ZKSCAN8: variants seen among roughly 807,000 people sequenced by gnomAD.
The protein encoded by ZKSCAN8 is zinc finger protein with KRAB and SCAN domains 8.
Under a neutral mutation model 57.2 loss-of-function variants are expected in ZKSCAN8, and 27 were observed. The observed-to-expected ratio is 0.47, with a 90% CI of 0.35 to 0.65. ZKSCAN8 has a LOEUF of 0.65. Among genes scored for constraint, ZKSCAN8 ranks in the 30% least tolerant of loss-of-function variants. The pLI is 0.01. For missense variants in ZKSCAN8, 597 were observed against 696.3 expected, an observed-to-expected ratio of 0.86 and a Z score of 1.60; for synonymous variants, 214 against 248.7, an observed-to-expected ratio of 0.86 and a Z score of 1.31.
chr6:28,142,974 A>AG (rs1378295236), intron 1 of ZKSCAN8, among the ~76,000 whole-genome samples: 2 of 152,214 alleles, frequency 1.3e-5, no homozygotes, highest in African/African-American at 4.8e-5. Context: ...CATAGTCTGA[A>AG]GGAAGAATAC....
chr6:28,142,416 A>G (rs530732976), intron 1 of ZKSCAN8, among the ~76,000 whole-genome samples: 33 of 152,216 alleles, frequency 2.2e-4, no homozygotes, highest in African/African-American at 7.5e-4. Context: ...TAAAAAAGAC[A>G]TATTTTGCTT....
chr6:28,146,079 A>G (rs1198940243), intron 1 of ZKSCAN8, among the ~76,000 whole-genome samples: 2 of 152,240 alleles, frequency 1.3e-5, no homozygotes, highest in Non-Finnish European at 2.9e-5. Context: ...CCATAGACAT[A>G]TATTTCACAA....
chr6:28,153,581 A>G lies in ZKSCAN8; in HGVS notation c.1301A>G (p.Tyr434Cys). ...AGAATCCACAGTGGAGAGAGACCCT[A>G]TGAATGTAATGAGTGTGGGAAAGCT... ...HQRIHSGERP[Y>C]ECNECGKAFS... The change falls in exon 6 of 6, where the codon TAT becomes TGT. Residue 434 changes from tyrosine (Y) to cysteine (C), a missense_variant. Coordinates refer to ENST00000330236, the MANE Select transcript of ZKSCAN8 (RefSeq NM_006298.4). 3 of 1,614,094 alleles carry G rather than the reference A, an allele frequency of 1.9e-6. No homozygotes were observed. The highest frequency in any genetic ancestry group is 2.2e-5 in the East Asian group (1 of 44,870).
In ZKSCAN8 at chr6:28,151,853, A is replaced by C; in HGVS notation, c.568A>C (p.Thr190Pro). 6.2e-7 allele frequency: 1 copy of C among 1,614,074 alleles called. No individual in the cohort carries two copies. The highest frequency in any genetic ancestry group is 8.5e-7 in the Non-Finnish European group (1 of 1,179,946). Residue 190 changes from threonine (T) to proline (P), a missense_variant, in exon 4 of 6, where the codon ACT (threonine) becomes CCT (proline). Transcript: ENST00000330236. The part of the protein sequence containing the change: ...PQESQERAMS[T>P]SQSPTRSQKG... ...CTCCTTTCTCCTCTCAGCCATGTCT[A>C]CTTCCCAGAGTCCTACTCGTTCCCA...
At chr6:28,149,682 G>A (rs1167199932) in intron 3 of ZKSCAN8, 58 bp downstream of exon 3, 27 of 1,594,468 alleles carry the variant, frequency 1.7e-5, no homozygotes, top group Non-Finnish European at 2.2e-5. Flanking sequence ...AAGTCCATTT[G>A]GGATACCTAT....
In ZKSCAN8 at chr6:28,159,213, C is replaced by T. The variant is rs954961416; in HGVS notation, c.*5196C>T. 1 of 152,238 alleles carries T rather than the reference C, an allele frequency of 6.6e-6. No homozygotes were observed. The highest frequency in any genetic ancestry group is 2.4e-5 in the African/African-American group (1 of 41,454). The allele number at this position is 152,238 out of a possible 1,614,324, so 9.4% of individuals were successfully genotyped here. A position where few individuals can be genotyped will look rare whatever the true frequency, so the allele number is the denominator to read the frequency against. On this transcript the variant is annotated 3_prime_UTR_variant, in exon 6 of 6. Transcript: ENST00000330236. ...CATCACCTCATGCGATGACCTCCCTCATTCTGTGCTGCCTCAGCACTTATC... is the reference window on the plus strand; with the variant it reads ...CATCACCTCATGCGATGACCTCCCTTATTCTGTGCTGCCTCAGCACTTATC...
chr6:28,142,529 GTT>G (rs34778634), intron 1 of ZKSCAN8, among the ~76,000 whole-genome samples: 23 of 145,356 alleles, frequency 1.6e-4, no homozygotes, highest in South Asian at 2.2e-4. Context: ...TTGTACGAAA[GTT>G]TTTTTTTTTT....
Position 28,153,973 on chromosome 6 carries a change from CAG to C in ZKSCAN8, c.1697_1698del (p.Arg566AsnfsTer5). 1 of 1,610,448 alleles carries C rather than the reference CAG, an allele frequency of 6.2e-7. No individual in the cohort carries two copies. Among genetic ancestry groups the C allele is most frequent in the Non-Finnish European group, 8.5e-7 (1 of 1,178,652 alleles). On this transcript the variant is annotated frameshift_variant, in exon 6 of 6. Transcript: ENST00000330236. LOFTEE classifies it high-confidence loss of function. The part of the protein sequence containing the change: ...FIQRSSLIRH[Q>X]RIHSGEKSES... ...TCAGAGGTCAAGTCTCATTCGACATCAGAGAATCCACAGTGGTGAAAAATCTG... is the reference window on the plus strand; with the variant it reads ...TCAGAGGTCAAGTCTCATTCGACATCAGAATCCACAGTGGTGAAAAATCTG...
chr6:28,158,700 A>T lies in ZKSCAN8; in HGVS notation c.*4683A>T, dbSNP rs1765866711. On this transcript the variant is annotated 3_prime_UTR_variant, in exon 6 of 6. Coordinates refer to ENST00000330236, the MANE Select transcript of ZKSCAN8 (RefSeq NM_006298.4). ...TAGATCTGAGGCCCAGGTTACTGTA[A>T]TTCTTTTTTTTCCAATTTCCTTGCT... is the stretch of plus-strand genomic sequence containing the variant. 1 of 151,668 alleles carries T rather than the reference A, an allele frequency of 6.6e-6. No individual in the cohort carries two copies. Among genetic ancestry groups the T allele is most frequent in the Non-Finnish European group, 1.5e-5 (1 of 67,900 alleles). The allele number at this position is 151,668 out of a possible 1,614,324, so 9.4% of individuals were successfully genotyped here.
intron 5 of ZKSCAN8, 117 bp downstream of exon 5, chr6:28,152,501 A>G: frequency 7.5e-7 from 1 of 1,325,730 alleles, no homozygotes; most frequent in Non-Finnish European, 1.0e-6. Flanking sequence ...AGGATCCAGC[A>G]GAGGGATATG....
chr6:28,152,182 C>T, intron 4 of ZKSCAN8, 79 bp from the exon 5 acceptor site: 3 of 1,534,648 alleles, frequency 2.0e-6, no homozygotes, highest in Non-Finnish European at 1.7e-6. Flanking sequence ...TCTCCCAATA[C>T]TGGTGGATCT....
intron 4 of ZKSCAN8, 47 bp downstream of exon 4, chr6:28,151,983 G>A (rs1358322222): frequency 1.3e-6 from 2 of 1,595,226 alleles, no homozygotes; most frequent in African/African-American, 1.3e-5. Flanking sequence ...GTGCTTGTCA[G>A]TGTTTGTGGC....
In ZKSCAN8 at chr6:28,155,898, A is replaced by G. The variant is rs1474944174; in HGVS notation, c.*1881A>G. The G allele has an allele frequency of 8.4e-5, 30 of 359,222 alleles. No individual in the cohort carries two copies. The East Asian group carries it at 1.1e-3, about 13-fold the overall frequency. 22.3% of individuals were successfully genotyped at this position (359,222 alleles called of 1,614,324 possible). On this transcript the variant is annotated 3_prime_UTR_variant, in exon 6 of 6. Transcript: ENST00000330236. Reference sequence around the variant, plus strand: ...CCATCACTTGTCATGTTGGTTTCCAACAGTCCTTTCGATTATCCTTTATTT... The same window carrying G: ...CCATCACTTGTCATGTTGGTTTCCAGCAGTCCTTTCGATTATCCTTTATTT...
rs1765831084 is a variant in ZKSCAN8 at position 28,157,718 on chromosome 6, C to T, written c.*3701C>T. On this transcript the variant is annotated 3_prime_UTR_variant, in exon 6 of 6. Coordinates refer to ENST00000330236, the MANE Select transcript of ZKSCAN8 (RefSeq NM_006298.4). ...TAAGTGTTGATGCTTTGTAGTACTA[C>T]AAAGCTAAATTGTGCAAACAAAACA... The T allele has an allele frequency of 6.6e-6, 1 of 151,964 alleles. No homozygotes were observed. Among genetic ancestry groups the T allele is most frequent in the Non-Finnish European group, 1.5e-5 (1 of 68,008 alleles). 9.4% of individuals were successfully genotyped at this position (151,964 alleles called of 1,614,324 possible).
Position 28,148,783 on chromosome 6 carries a change from T to A in ZKSCAN8, c.376T>A (p.Leu126Ile). The change falls in exon 2 of 6, where the codon TTA becomes ATA. Residue 126 changes from leucine (L) to isoleucine (I), a missense_variant. By Grantham distance (5) the Leu-to-Ile change is conservative (BLOSUM62 2). Transcript: ENST00000330236. ...GAACGGAGAGGAGGTGGTGACCCTATTAGAGGATTTGGAAAGGCAGATTGA... is the reference window on the plus strand; with the variant it reads ...GAACGGAGAGGAGGTGGTGACCCTAATAGAGGATTTGGAAAGGCAGATTGA... ...LENGEEVVTL[L>I]EDLERQIDIL... is the part of the protein sequence containing the mutation. 6.2e-7 allele frequency: 1 copy of A among 1,613,868 alleles called. No homozygotes were observed. Among genetic ancestry groups the A allele is most frequent in the Non-Finnish European group, 8.5e-7 (1 of 1,179,918 alleles).
At chr6:28,152,108 G>A (rs2622318) in intron 4 of ZKSCAN8, among the ~76,000 whole-genome samples, 153 bp from the exon 5 acceptor site, 2,895 of 152,298 alleles carry the variant, frequency 0.019, 57 homozygotes, top group African/African-American at 0.054. Context: ...TAAATCTCAT[G>A]CATTTTCCTC....
chr6:28,148,372 T>C lies in ZKSCAN8; in HGVS notation c.-36T>C, dbSNP rs1765471181. 1 of 1,581,710 alleles carries C rather than the reference T, an allele frequency of 6.3e-7. No homozygotes were observed. Among genetic ancestry groups the C allele is most frequent in the Non-Finnish European group, 8.6e-7 (1 of 1,164,002 alleles). On this transcript the variant is annotated 5_prime_UTR_variant, in exon 2 of 6. Transcript: ENST00000330236. Reference sequence around the variant, plus strand: ...TCTTCTCTTAAGAAGATAAAGAAGGTAGTGGAAACGAACTTCCTGAGCTTT... The same window carrying C: ...TCTTCTCTTAAGAAGATAAAGAAGGCAGTGGAAACGAACTTCCTGAGCTTT...
chr6:28,153,000 A>C, intron 5 of ZKSCAN8, 56 bp from the exon 6 acceptor site: 1 of 1,585,144 alleles, frequency 6.3e-7, no homozygotes, highest in Non-Finnish European at 8.6e-7. Flanking sequence ...TTCTCCTAGC[A>C]TAAAGAATAG....
chr6:28,156,319 G>A lies in ZKSCAN8; in HGVS notation c.*2302G>A. 2.5e-6 allele frequency: 1 copy of A among 397,496 alleles called. No homozygotes were observed. The allele number at this position is 397,496 out of a possible 1,614,324, so 24.6% of individuals were successfully genotyped here. On this transcript the variant is annotated 3_prime_UTR_variant, in exon 6 of 6. Transcript: ENST00000330236. ...ATAGACCAGAGCAACACATTGAAAT[G>A]TATACAGATGTACTAGCTAAAGTCT...
Sources: gnomAD v4.1 joint callset for allele counts (sites outside exome capture counted in the v4.1 genomes callset) on GRCh38, gnomAD v4.1.1 for gene constraint, MANE v1.5 for transcripts, NCBI Gene and HGNC (gene_info 2026-07-23, HGNC 2026-07-21) for gene names.